TRIM50: variants seen among roughly 807,000 people sequenced by gnomAD.
The protein encoded by TRIM50 is E3 ubiquitin-protein ligase TRIM50.
TRIM50 carries 34 observed loss-of-function variants against 44.9 expected under a neutral mutation model. The ratio of observed to expected loss-of-function variants is 0.76; its 90% CI spans 0.58 to 1.01. The LOEUF (loss-of-function observed/expected upper bound fraction) is 1.01, where lower values mean the gene tolerates loss of function less well. Among genes scored for constraint, TRIM50 ranks in the 50% least tolerant of loss-of-function variants. The probability of loss-of-function intolerance (pLI) is 0.00; values close to 1 mark genes in which losing one functional copy is unlikely to be tolerated. For missense variants in TRIM50, 633 were observed against 663.7 expected (o/e 0.95, Z 0.51); for synonymous variants, 307 against 291.1 (o/e 1.05, Z -0.56).
In TRIM50 at chr7:73,312,966, G is replaced by A; in HGVS notation, c.1419C>T (p.Pro473=). 1 of 1,550,514 alleles carries A rather than the reference G, an allele frequency of 6.4e-7. No homozygotes were observed. The highest frequency in any genetic ancestry group is 1.2e-5 in the South Asian group (1 of 83,998). Residue 473 remains proline, a synonymous_variant, in exon 7 of 7, where the codon CCC becomes CCT. Coordinates refer to ENST00000333149, the MANE Select transcript of TRIM50 (RefSeq NM_178125.3). ...SNSLPMVLPP[P]SGPGPLSPEQ... ...CGGGGCTGAGGGGGCCAGGCCCGCT[G>A]GGCGGGGGCAGCACCATGGGCAGCG...
chr7:73,313,124 C>A lies in TRIM50; in HGVS notation c.1261G>T (p.Glu421Ter). ...TCGAAGAAGGTGAGTTCGCCCTGCT[C>A]ATAGTGCAGGTAGAGCCCGATGCGG... The part of the protein sequence containing the change: ...PHRIGLYLHY[E>*]QGELTFFDAD... Residue 421 changes from glutamate to a stop codon, truncating the protein, a stop_gained, in exon 7 of 7, where the codon GAG (glutamate) becomes TAG (stop). Coordinates refer to ENST00000333149, the MANE Select transcript of TRIM50 (RefSeq NM_178125.3). LOFTEE classifies it high-confidence loss of function. The surrounding 1 kb of genome is among the most constrained non-coding windows in gnomAD (Gnocchi z 4.9). 6.3e-7 allele frequency: 1 copy of A among 1,593,086 alleles called. No individual in the cohort carries two copies. Among genetic ancestry groups the A allele is most frequent in the East Asian group, 2.3e-5 (1 of 43,970 alleles).
chr7:73,326,244 CT>C (rs1170371882), intron 1 of TRIM50, among the ~76,000 whole-genome samples: 15 of 151,282 alleles, frequency 9.9e-5, no homozygotes, highest in Non-Finnish European at 2.1e-4. Flanking sequence ...ATGATTCAAT[CT>C]CTCTATTTTT....
chr7:73,325,014 A>ATGTG (rs3040867), intron 1 of TRIM50, among the ~76,000 whole-genome samples: 2,392 of 142,018 alleles, frequency 0.017, 23 homozygotes, highest in African/African-American at 0.024. Context: ...CCTTGAAGAT[A>ATGTG]TGTGTGTGTG....
chr7:73,313,495 T>G lies in TRIM50; in HGVS notation c.890A>C (p.Lys297Thr). The G allele has an allele frequency of 6.6e-7, 1 of 1,515,590 alleles. No homozygotes were observed. The highest frequency in any genetic ancestry group is 1.4e-5 in the African/African-American group (1 of 72,716). The allele number at this position is 1,515,590 out of a possible 1,614,324, so 93.9% of individuals were successfully genotyped here. Reference protein sequence around the residue: ...RKVLPAPEPLKLDPATAHPLL... With the variant: ...RKVLPAPEPLTLDPATAHPLL... The stretch of plus-strand genomic sequence containing the variant: ...TGGGTGGGCAGTGGCAGGGTCCAAC[T>G]TGAGAGGCTCCGGGGCTGGGAGGGA... Residue 297 changes from lysine (K) to threonine (T), a missense_variant, in exon 7 of 7, where the codon AAG becomes ACG. Transcript: ENST00000333149. This position sits in a 1 kb window ranked among gnomAD's most constrained non-coding sequence, Gnocchi z 4.9.
rs1804366803 is a variant in TRIM50, at chr7:73,316,647, G to A, written c.792C>T (p.Ser264=). 2 of 1,614,202 alleles carry A rather than the reference G, an allele frequency of 1.2e-6. No individual in the cohort carries two copies. Among genetic ancestry groups the A allele is most frequent in the Non-Finnish European group, 1.7e-6 (2 of 1,180,036 alleles). The part of the protein sequence containing the change: ...PQARPLEGAF[S]PISFKPGLHQ... The stretch of plus-strand genomic sequence containing the variant: ...GGAGGCCTGGCTTGAAGGAGATGGG[G>A]CTGAATGCGCCTTCTAAGGGCCGGG... The change falls in exon 6 of 7, where the codon AGC becomes AGT. Residue 264 remains serine, a synonymous_variant. Transcript: ENST00000333149.
In TRIM50 at chr7:73,313,131, C is replaced by G; in HGVS notation, c.1254G>C (p.Leu418=). 6.3e-7 allele frequency: 1 copy of G among 1,592,134 alleles called. No individual in the cohort carries two copies. Among genetic ancestry groups the G allele is most frequent in the Non-Finnish European group, 8.5e-7 (1 of 1,169,846 alleles). The change falls in exon 7 of 7, where the codon CTG becomes CTC. Residue 418 remains leucine (L), a synonymous_variant. Coordinates refer to ENST00000333149, the MANE Select transcript of TRIM50 (RefSeq NM_178125.3). The surrounding 1 kb of genome is among the most constrained non-coding windows in gnomAD (Gnocchi z 4.9). ...AGGTGAGTTCGCCCTGCTCATAGTG[C>G]AGGTAGAGCCCGATGCGGTGGGGGT... ...AGHPHRIGLY[L]HYEQGELTFF...
intron 2 of TRIM50, among the ~76,000 whole-genome samples, chr7:73,323,316 C>T (rs1280384246): frequency 6.8e-6 from 1 of 147,748 alleles, no homozygotes; most frequent in African/African-American, 2.7e-5. Flanking sequence ...CTCACCCCCA[C>T]CGATGTTCCC....
chr7:73,315,403 G>GGCTGGAGTGCAGTGGTGCAATCATAGCTC (rs1804333161), intron 6 of TRIM50, among the ~76,000 whole-genome samples: 1 of 149,566 alleles, frequency 6.7e-6, no homozygotes. Flanking sequence ...CTGTCACCCA[G>GGCTGGAGTGCAGTGGTGCAATCATAGCTC]GCTGGAGTGC....
chr7:73,318,014 C>G, intron 5 of TRIM50, among the ~76,000 whole-genome samples: 1 of 152,330 alleles, frequency 6.6e-6, no homozygotes, highest in East Asian at 1.9e-4. Flanking sequence ...GCCACTCCCC[C>G]TTTTACAGGA....
chr7:73,322,145 C>G (rs1386675260), intron 2 of TRIM50, among the ~76,000 whole-genome samples: 1 of 152,016 alleles, frequency 6.6e-6, no homozygotes, highest in African/African-American at 2.4e-5. Flanking sequence ...GTCAGGAGAT[C>G]GAGACCATCC....
rs1554544109 is a variant in TRIM50, at chr7:73,316,603, A to G, written c.836T>C (p.Leu279Pro). ...CCGGAAGAGCCTTTTCCACACGGTC[A>G]GCTTGATGTCAGCCTGGTGGAGGCC... ...KPGLHQADIK[L>P]TVWKRLFRKV... Residue 279 changes from leucine (L) to proline (P), a missense_variant, in exon 6 of 7, where the codon CTG (leucine) becomes CCG (proline). Coordinates refer to ENST00000333149, the MANE Select transcript of TRIM50 (RefSeq NM_178125.3). 1 of 1,614,242 alleles carries G rather than the reference A, an allele frequency of 6.2e-7. No individual in the cohort carries two copies. Among genetic ancestry groups the G allele is most frequent in the Admixed American group, 1.7e-5 (1 of 60,034 alleles).
chr7:73,316,763 T>C (rs1804371418), intron 5 of TRIM50, 74 bp from the exon 6 acceptor site: 1 of 1,570,870 alleles, frequency 6.4e-7, no homozygotes, highest in Admixed American at 1.8e-5. Context: ...CCTATCTATG[T>C]TTGCCCAGCC....
Position 73,328,078 on chromosome 7 carries a change from G to A in TRIM50, c.-197C>T. 2 of 975,842 alleles carry A rather than the reference G, an allele frequency of 2.0e-6. No individual in the cohort carries two copies. The highest frequency in any genetic ancestry group is 3.1e-6 in the Non-Finnish European group (2 of 645,666). The allele number at this position is 975,842 out of a possible 1,614,324, so 60.4% of individuals were successfully genotyped here. ...CGCGCTACCGCGCGTGCCCCATCAT[G>A]CTCTGCGCGCTCCCATTACGTGCCG... On this transcript the variant is annotated 5_prime_UTR_variant, in exon 1 of 7. Transcript: ENST00000333149.
chr7:73,328,043 T>G lies in TRIM50; in HGVS notation c.-162A>C, dbSNP rs1166545343. On this transcript the variant is annotated 5_prime_UTR_variant, in exon 1 of 7. An upstream start codon of the reference 5' UTR is lost. Transcript: ENST00000333149. ...TCATGACCCGCACGCTATGGTTACA[T>G]GCCCCGCCTCGCGCTACCGCGCGTG... The G allele has an allele frequency of 1.4e-6, 1 of 726,076 alleles. No homozygotes were observed. The allele number at this position is 726,076 out of a possible 1,614,324, so 45.0% of individuals were successfully genotyped here. A position where few individuals can be genotyped will look rare whatever the true frequency, so the allele number is the denominator to read the frequency against.
chr7:73,314,357 C>T (rs1554543734), intron 6 of TRIM50: 2 of 391,724 alleles, frequency 5.1e-6, no homozygotes, highest in Non-Finnish European at 9.9e-6. Flanking sequence ...CCAGTTCACC[C>T]AGGCCCTGGA....
At chr7:73,322,601 A>G (rs1289618568) in intron 2 of TRIM50, among the ~76,000 whole-genome samples, 1 of 152,112 alleles carries the variant, frequency 6.6e-6, no homozygotes, top group Non-Finnish European at 1.5e-5. Context: ...GAGACATTTC[A>G]CACACGTGAT....
intron 3 of TRIM50, among the ~76,000 whole-genome samples, 180 bp downstream of exon 3, chr7:73,319,964 AACG>A (rs1430208554): frequency 1.3e-5 from 2 of 152,190 alleles, no homozygotes; most frequent in Non-Finnish European, 2.9e-5. Flanking sequence ...AGCCAGTCCT[AACG>A]ACAACTGGGT....
chr7:73,314,156 C>G, intron 6 of TRIM50: 2 of 383,348 alleles, frequency 5.2e-6, no homozygotes, highest in Non-Finnish European at 9.7e-6. Context: ...CCGGCCCCTG[C>G]TGGCGTGAAG....
chr7:73,314,519 G>T, intron 6 of TRIM50: 1 of 367,218 alleles, frequency 2.7e-6, no homozygotes, highest in African/African-American at 2.2e-5. Context: ...CCTTGGAGCA[G>T]GAATTAACAC....
Sources: allele counts gnomAD v4.1 joint callset (sites outside exome capture counted in the v4.1 genomes callset), GRCh38; gene constraint gnomAD v4.1.1; non-coding constraint Gnocchi (gnomAD v3.1); transcripts MANE v1.5; gene names NCBI Gene and HGNC (gene_info 2026-07-23, HGNC 2026-07-21).